The following SGCD variants were observed in gnomAD, a reference collection of about 807,000 sequenced individuals.
SGCD encodes the protein sarcoglycan delta, also known as delta-sarcoglycan.
SGCD carries 18 observed loss-of-function variants against 36.6 expected under a neutral mutation model. The observed-to-expected ratio is 0.49, with a 90% CI of 0.34 to 0.73. The LOEUF is 0.73. Among genes scored for constraint, SGCD ranks in the 30% least tolerant of loss-of-function variants. The probability of loss-of-function intolerance (pLI) is 0.01; values close to 1 mark genes in which losing one functional copy is unlikely to be tolerated. For synonymous variants in SGCD, 133 were observed against 130.6 expected (o/e 1.02, Z -0.12); for missense variants, 387 against 346.7 (o/e 1.12, Z -0.92).
At chr5:155,821,936 A>G in the SGCD span, among the ~76,000 whole-genome samples, 4 of 152,338 alleles carry the variant, frequency 2.6e-5, no homozygotes, top group East Asian at 5.8e-4. Flanking sequence ...GATGGTTACT[A>G]CATGCCTGAC....
intron 1 of SGCD, among the ~76,000 whole-genome samples, chr5:155,883,052 T>TC (rs752317801): frequency 6.6e-6 from 1 of 152,176 alleles, no homozygotes; most frequent in Non-Finnish European, 1.5e-5. Flanking sequence ...ATGGCTTTTT[T>TC]CCCCTTAAAC....
chr5:156,059,367 C>G (rs74921733), intron 1 of SGCD, among the ~76,000 whole-genome samples: 10,499 of 146,248 alleles, frequency 0.072, 1,686 homozygotes, highest in African/African-American at 0.24. Context: ...GTCTCAGCCT[C>G]CAAGAACTAA....
chr5:156,165,406 G>C (rs1160244544), intron 3 of SGCD, among the ~76,000 whole-genome samples: 1 of 152,180 alleles, frequency 6.6e-6, no homozygotes, highest in Non-Finnish European at 1.5e-5. Flanking sequence ...GAGCTATTCA[G>C]CTTAGTAAGG....
chr5:156,465,875 C>T (rs916639691), intron 3 of SGCD, among the ~76,000 whole-genome samples: 1 of 152,232 alleles, frequency 6.6e-6, no homozygotes, highest in African/African-American at 2.4e-5. Flanking sequence ...GGACTCAGCA[C>T]TTTCTACTAG....
At position 156,026,746 on chromosome 5, in the gene SGCD, C is replaced by T. The variant is rs78669601; in HGVS notation, c.-281-91132C>T. Among the ~76,000 whole-genome samples the T allele has an allele frequency of 9.4e-4, 143 of 152,164 alleles. 1 individual carries two copies. In the East Asian group the frequency reaches 0.024, roughly 25 times the overall value. ...TCCCCAGGTAATCCCTCAGATCAGG[C>T]GGTTGTAAGAGAGTCCATAGATCAT... is the stretch of plus-strand genomic sequence containing the variant. On this transcript the variant is annotated intron_variant, in intron 1 of 9. Transcript: ENST00000517913.
intron 3 of SGCD, among the ~76,000 whole-genome samples, chr5:156,442,705 A>G (rs901319542): frequency 6.6e-6 from 1 of 152,190 alleles, no homozygotes; most frequent in Non-Finnish European, 1.5e-5. Context: ...TTTGTCTTCT[A>G]TTATAAATGC....
intron 6 of SGCD, among the ~76,000 whole-genome samples, chr5:156,638,455 A>G (rs1762911980): frequency 6.6e-6 from 1 of 152,156 alleles, no homozygotes; most frequent in Non-Finnish European, 1.5e-5. Flanking sequence ...CATCTTTGAG[A>G]ACCAGGGGGT....
At chr5:155,749,887 A>G in the SGCD span, among the ~76,000 whole-genome samples, 4 of 152,218 alleles carry the variant, frequency 2.6e-5, no homozygotes, top group African/African-American at 9.6e-5. Flanking sequence ...AATTTGATCA[A>G]TCTGCAAGAC....
chr5:156,495,554 G>T (rs1372525196), intron 3 of SGCD, among the ~76,000 whole-genome samples: 1 of 152,116 alleles, frequency 6.6e-6, no homozygotes, highest in African/African-American at 2.4e-5. Context: ...ACCCCATGAA[G>T]GAATCTATTC....
At chr5:156,702,779 T>G (rs556028697) in intron 7 of SGCD, among the ~76,000 whole-genome samples, 7 of 152,318 alleles carry the variant, frequency 4.6e-5, no homozygotes, top group African/African-American at 1.7e-4. Flanking sequence ...TGCATGTCTT[T>G]TGAGTGAGGC....
At chr5:156,306,560 G>A (rs1767218216) in intron 3 of SGCD, among the ~76,000 whole-genome samples, 1 of 152,198 alleles carries the variant, frequency 6.6e-6, no homozygotes, top group Non-Finnish European at 1.5e-5. Context: ...CACCATCACT[G>A]TATTCTGTCT....
intron 2 of SGCD, among the ~76,000 whole-genome samples, chr5:156,122,028 T>TCA (rs1762054471): frequency 6.6e-6 from 1 of 152,196 alleles, no homozygotes; most frequent in Non-Finnish European, 1.5e-5. Flanking sequence ...ATCTTTTGCA[T>TCA]CACACTCCAG....
intron 1 of SGCD, among the ~76,000 whole-genome samples, chr5:156,096,066 C>T (rs1399881797): frequency 6.6e-6 from 1 of 152,164 alleles, no homozygotes; most frequent in Non-Finnish European, 1.5e-5. Flanking sequence ...AGAGAAGGGA[C>T]ATTGCCCAAG....
chr5:156,684,481 GC>G (rs1276428541), intron 7 of SGCD, among the ~76,000 whole-genome samples: 3 of 152,124 alleles, frequency 2.0e-5, no homozygotes, highest in African/African-American at 7.2e-5. Context: ...TTCCTGGATG[GC>G]CTTTGAACAG....
chr5:155,974,314 G>T (rs1047602878), intron 1 of SGCD, among the ~76,000 whole-genome samples: 1 of 152,052 alleles, frequency 6.6e-6, no homozygotes, highest in Admixed American at 6.5e-5. Flanking sequence ...ATGATAAAAT[G>T]CAACTACTAC....
intron 3 of SGCD, among the ~76,000 whole-genome samples, chr5:156,395,592 A>G (rs2127758393): frequency 6.6e-6 from 1 of 152,312 alleles, no homozygotes; most frequent in Non-Finnish European, 1.5e-5. Context: ...TCTGGCCATC[A>G]TCCATTTGTA....
At position 156,712,508 on chromosome 5, in the gene SGCD, G is replaced by T. The variant is rs143557067; in HGVS notation, c.576-45073G>T. Among the ~76,000 whole-genome samples the T allele has an allele frequency of 2.0e-5, 3 of 152,278 alleles. No individual in the cohort carries two copies. The East Asian group carries it at 5.8e-4, about 29-fold the overall frequency. Reference sequence around the variant, plus strand: ...ACCAATCGACTTCTGTATTAGGTAGGAACCGTTGTTTGCAAATATTAGAGA... The same window carrying T: ...ACCAATCGACTTCTGTATTAGGTAGTAACCGTTGTTTGCAAATATTAGAGA... On this transcript the variant is annotated intron_variant, in intron 7 of 8. Transcript: ENST00000337851.
At chr5:155,791,532 C>T in the SGCD span, among the ~76,000 whole-genome samples, 6 of 152,134 alleles carry the variant, frequency 3.9e-5, no homozygotes, top group Non-Finnish European at 8.8e-5. Flanking sequence ...CCAAAAGTCT[C>T]CTGGAACTGA....
chr5:155,793,431 T>G, the SGCD span, among the ~76,000 whole-genome samples: 10 of 152,188 alleles, frequency 6.6e-5, no homozygotes, highest in Admixed American at 1.3e-4. Flanking sequence ...AAAAAAGTTT[T>G]TAAGTATATG....
Sources: allele counts gnomAD v4.1 joint callset (sites outside exome capture counted in the v4.1 genomes callset), GRCh38; gene constraint gnomAD v4.1.1; transcripts MANE v1.5; gene names NCBI Gene and HGNC (gene_info 2026-07-23, HGNC 2026-07-21).